The following FBXW7 variants were observed in gnomAD, a reference collection of about 807,000 sequenced individuals.
FBXW7 encodes F-box and WD repeat domain containing 7.
A neutral mutation model predicts 86.3 loss-of-function variants in FBXW7; 11 were observed. The observed-to-expected ratio is 0.13, with a 90% CI of 0.08 to 0.21. The LOEUF is 0.21. Among genes scored for constraint, FBXW7 ranks in the 10% least tolerant of loss-of-function variants. The pLI is 1.00. For missense variants in FBXW7, 488 were observed against 847.4 expected, an observed-to-expected ratio of 0.58 and a Z score of 5.27; for synonymous variants, 313 against 297.9, an observed-to-expected ratio of 1.05 and a Z score of -0.52.
chr4:152,509,097 T>C (rs1747720957), intron 2 of FBXW7, among the ~76,000 whole-genome samples: 1 of 152,212 alleles, frequency 6.6e-6, no homozygotes, highest in African/African-American at 2.4e-5. Flanking sequence ...AAGACTGGAA[T>C]TGTTTCAGGT....
At chr4:152,418,300 T>C (rs1226892774) in intron 2 of FBXW7, among the ~76,000 whole-genome samples, 1 of 152,166 alleles carries the variant, frequency 6.6e-6, no homozygotes, top group African/African-American at 2.4e-5. Context: ...AGTACTTATT[T>C]TTCAGTCTCT....
chr4:152,404,131 A>G (rs1737198729), intron 4 of FBXW7, among the ~76,000 whole-genome samples: 1 of 152,172 alleles, frequency 6.6e-6, no homozygotes, highest in Admixed American at 6.5e-5. Context: ...GGGGGTTGGG[A>G]ATAGGGGAAG....
At chr4:152,512,493 C>A (rs966458712) in intron 2 of FBXW7, among the ~76,000 whole-genome samples, 2 of 152,064 alleles carry the variant, frequency 1.3e-5, no homozygotes, top group Non-Finnish European at 2.9e-5. Flanking sequence ...AGAAACAACC[C>A]CAAAGTCCAT....
At chr4:152,474,818 AC>A (rs1744252933) in intron 2 of FBXW7, among the ~76,000 whole-genome samples, 2 of 151,932 alleles carry the variant, frequency 1.3e-5, no homozygotes, top group Admixed American at 1.3e-4. Context: ...GGCGCACGCC[AC>A]CACTCCCAGC....
intron 4 of FBXW7, among the ~76,000 whole-genome samples, chr4:152,395,938 C>G (rs933340110): frequency 6.6e-6 from 1 of 151,982 alleles, no homozygotes; most frequent in Non-Finnish European, 1.5e-5. Flanking sequence ...TAAGAAATAT[C>G]ATCTGAAAAT....
chr4:152,495,103 T>C (rs1331019223), intron 2 of FBXW7, among the ~76,000 whole-genome samples: 3 of 152,126 alleles, frequency 2.0e-5, no homozygotes, highest in Non-Finnish European at 4.4e-5. Flanking sequence ...TGAAAAGCCT[T>C]CCCACAGAAA....
intron 6 of FBXW7, among the ~76,000 whole-genome samples, chr4:152,338,866 G>A (rs1730427648): frequency 6.6e-6 from 1 of 152,084 alleles, no homozygotes; most frequent in Non-Finnish European, 1.5e-5. Context: ...GAATTATTGT[G>A]TCCACTTTAG....
In FBXW7 at chr4:152,526,604, CAG is replaced by C. The variant is rs544384838; in HGVS notation, c.-120+8335_-120+8336del. ...ATCTTAATTTGAGATGTAAATGACA[CAG>C]ATAAAATTTCCGTTCAACTTCTTAA... On this transcript the variant is annotated intron_variant, in intron 2 of 13. Coordinates refer to ENST00000281708, the MANE Select transcript of FBXW7 (RefSeq NM_001349798.2). 2.6e-5 allele frequency among the ~76,000 whole-genome samples: 4 copies of C among 152,230 alleles called. No individual in the cohort carries two copies. In the South Asian group the frequency reaches 6.2e-4, roughly 24 times the overall value.
intron 9 of FBXW7, among the ~76,000 whole-genome samples, chr4:152,330,297 T>A (rs1159987080): frequency 6.6e-6 from 1 of 151,950 alleles, no homozygotes; most frequent in African/African-American, 2.4e-5. Context: ...CTTTATGTAT[T>A]TGAAATGTTA....
At chr4:152,359,780 C>T (rs950232935) in intron 4 of FBXW7, among the ~76,000 whole-genome samples, 4 of 151,816 alleles carry the variant, frequency 2.6e-5, no homozygotes, top group African/African-American at 9.7e-5. Flanking sequence ...CAAAAAAAAC[C>T]CACAAAGACA....
intron 2 of FBXW7, among the ~76,000 whole-genome samples, chr4:152,495,356 G>A (rs1174592119): frequency 2.0e-5 from 3 of 152,106 alleles, no homozygotes; most frequent in Admixed American, 6.5e-5. Flanking sequence ...CAGAAGAATC[G>A]CTTGAAACCG....
intron 2 of FBXW7, among the ~76,000 whole-genome samples, chr4:152,453,168 A>C (rs1742068167): frequency 6.6e-6 from 1 of 152,194 alleles, no homozygotes; most frequent in Non-Finnish European, 1.5e-5. Context: ...TGGGCAACAG[A>C]GTGAGACTGT....
chr4:152,335,326 A>C (rs1048923195), intron 7 of FBXW7, among the ~76,000 whole-genome samples: 5 of 151,238 alleles, frequency 3.3e-5, no homozygotes, highest in Non-Finnish European at 7.4e-5. Context: ...AAATTACCCA[A>C]GTGTGGTGGC....
chr4:152,382,145 T>TCA (rs1466567303), intron 4 of FBXW7: 2 of 1,419,660 alleles, frequency 1.4e-6, no homozygotes, highest in Non-Finnish European at 1.9e-6. Context: ...CCAAGGTACT[T>TCA]CACTTAAATA....
At chr4:152,460,475 G>C (rs1412979621) in intron 2 of FBXW7, among the ~76,000 whole-genome samples, 2 of 152,292 alleles carry the variant, frequency 1.3e-5, no homozygotes, top group South Asian at 2.1e-4. Flanking sequence ...CATTTCCCTT[G>C]AAATTGATTC....
At chr4:152,404,124 G>C (rs1355233484) in intron 4 of FBXW7, among the ~76,000 whole-genome samples, 1 of 152,112 alleles carries the variant, frequency 6.6e-6, no homozygotes, top group Admixed American at 6.5e-5. Context: ...TGAAATGGGG[G>C]GTTGGGAATA....
intron 2 of FBXW7, among the ~76,000 whole-genome samples, chr4:152,505,579 C>G (rs1294129398): frequency 6.6e-6 from 1 of 151,842 alleles, no homozygotes; most frequent in Non-Finnish European, 1.5e-5. Context: ...ATAACCCAAG[C>G]CTACACAGGA....
At chr4:152,494,493 G>A (rs570850130) in intron 2 of FBXW7, among the ~76,000 whole-genome samples, 1 of 152,230 alleles carries the variant, frequency 6.6e-6, no homozygotes, top group South Asian at 2.1e-4. Context: ...TGTCCTTTGA[G>A]GTAACTTTTT....
intron 6 of FBXW7, among the ~76,000 whole-genome samples, chr4:152,340,447 C>T (rs906988633): frequency 1.3e-5 from 2 of 151,440 alleles, no homozygotes; most frequent in East Asian, 1.9e-4. Flanking sequence ...GGCATCGTGG[C>T]GGGCGCCTGT....
Sources: gnomAD v4.1 joint callset for allele counts (sites outside exome capture counted in the v4.1 genomes callset) on GRCh38, gnomAD v4.1.1 for gene constraint, MANE v1.5 for transcripts, NCBI Gene and HGNC (gene_info 2026-07-23, HGNC 2026-07-21) for gene names.